LTBP3: variants seen among roughly 807,000 people sequenced by gnomAD.
LTBP3 encodes the protein latent transforming growth factor beta binding protein 3.
A neutral mutation model predicts 159.7 loss-of-function variants in LTBP3; 97 were observed. That is an observed-to-expected ratio of 0.61 (90% CI 0.52 to 0.72). LTBP3 has a LOEUF of 0.72. Among genes scored for constraint, LTBP3 ranks in the 30% least tolerant of loss-of-function variants. LTBP3 has a pLI of 0.00. For missense variants in LTBP3, 1,584 were observed against 1,864.3 expected (o/e 0.85, Z 2.77); for synonymous variants, 824 against 777.1 (o/e 1.06, Z -1.00).
chr11:65,541,558 G>C lies in LTBP3; in HGVS notation c.2725+42C>G, dbSNP rs184016747. ...TCTCTGAATCCCAGCTGCAGCTCAG[G>C]GGAGTTGTCCAGTCCGAGGGAGGAG... is the stretch of plus-strand genomic sequence containing the variant. On this transcript the variant is annotated intron_variant, in intron 19 of 27. Transcript: ENST00000301873. 11 of 1,613,746 alleles carry C rather than the reference G, an allele frequency of 6.8e-6. No individual in the cohort carries two copies. In the African/African-American group the frequency reaches 1.3e-4, roughly 20 times the overall value.
chr11:65,543,086 C>T lies in LTBP3; in HGVS notation c.2596+19G>A. The T allele has an allele frequency of 1.9e-6, 3 of 1,613,612 alleles. No individual in the cohort carries two copies. Among genetic ancestry groups the T allele is most frequent in the Non-Finnish European group, 1.7e-6 (2 of 1,179,900 alleles). On this transcript the variant is annotated intron_variant, in intron 18 of 27. Coordinates refer to ENST00000301873, the MANE Select transcript of LTBP3 (RefSeq NM_001130144.3). ...CTCCCTGCCACATCCCTCAGGAACC[C>T]TCAGCCAGTCCCCCATACCTTGGCA...
At position 65,546,811 on chromosome 11, in the gene LTBP3, GC is replaced by G. The variant is rs752375653; in HGVS notation, c.2216del (p.Gly739AlafsTer7). On this transcript the variant is annotated frameshift_variant, in exon 15 of 28. Coordinates refer to ENST00000301873, the MANE Select transcript of LTBP3 (RefSeq NM_001130144.3). LOFTEE classifies it high-confidence loss of function. The surrounding 1 kb of genome is among the most constrained non-coding windows in gnomAD (Gnocchi z 4.0). ...ACQPGYRSQG[G>X]GACRDVNECA... The stretch of plus-strand genomic sequence containing the variant: ...CCCCGCCCTCACCGCGACAGGCCCC[GC>G]CCCCCTGGCTGCGGTAGCCAGGCTG... The G allele has an allele frequency of 1.9e-5, 29 of 1,537,770 alleles. No individual in the cohort carries two copies. The highest frequency in any genetic ancestry group is 2.5e-5 in the East Asian group (1 of 39,682).
intron 8 of LTBP3, 21 bp from the exon 9 acceptor site, chr11:65,551,585 G>T: frequency 6.2e-7 from 1 of 1,613,930 alleles, no homozygotes; most frequent in Non-Finnish European, 8.5e-7. Context: ...AGAAGATGGG[G>T]CCATGAAGTG....
In LTBP3 at chr11:65,543,559, A is replaced by G; in HGVS notation, c.2354-10T>C. On this transcript the variant is annotated splice_polypyrimidine_tract_variant and intron_variant, in intron 16 of 27. Transcript: ENST00000301873. ...TCACACTCGTCCACATCTGCAGGGC[A>G]TAGGGGGTGTCAGAGGACCAGGCTG... The G allele has an allele frequency of 6.2e-7, 1 of 1,613,978 alleles. No individual in the cohort carries two copies. Among genetic ancestry groups the G allele is most frequent in the Non-Finnish European group, 8.5e-7 (1 of 1,179,908 alleles).
rs781256863 is a variant in LTBP3 at position 65,557,733 on chromosome 11, A to C, written c.227T>G (p.Leu76Arg). The change falls in exon 1 of 28, where the codon CTC (leucine) becomes CGC (arginine). Residue 76 changes from leucine to arginine, a missense_variant. By Grantham distance (102) the Leu-to-Arg change is moderately radical. Coordinates refer to ENST00000301873, the MANE Select transcript of LTBP3 (RefSeq NM_001130144.3). ...FAPVICKRTC[L>R]KGQCRDSCQQ... ...ACAACTGTCCCGACACTGGCCCTTG[A>C]GACAGGTCCGCTTGCAGATCACCGG... is the stretch of plus-strand genomic sequence containing the variant. 6.2e-7 allele frequency: 1 copy of C among 1,607,794 alleles called. No individual in the cohort carries two copies. The highest frequency in any genetic ancestry group is 8.5e-7 in the Non-Finnish European group (1 of 1,179,808).
Position 65,538,953 on chromosome 11 carries a change from G to C in LTBP3, c.*127C>G, listed in dbSNP as rs1411544844. ...GTAGGGGCGCCTCGGGTCTCAAGGC[G>C]CCGGGAGGGTCTGCGGGCCCTGAAG... is the stretch of plus-strand genomic sequence containing the variant. On this transcript the variant is annotated 3_prime_UTR_variant, in exon 28 of 28. Coordinates refer to ENST00000301873, the MANE Select transcript of LTBP3 (RefSeq NM_001130144.3). 3 of 1,313,766 alleles carry C rather than the reference G, an allele frequency of 2.3e-6. No homozygotes were observed. Among genetic ancestry groups the C allele is most frequent in the Admixed American group, 3.9e-5 (1 of 25,646 alleles). The allele number at this position is 1,313,766 out of a possible 1,614,324, so 81.4% of individuals were successfully genotyped here.
intron 20 of LTBP3, 33 bp from the exon 21 acceptor site, chr11:65,540,987 A>C: frequency 1.2e-6 from 2 of 1,604,890 alleles, no homozygotes; most frequent in Non-Finnish European, 1.7e-6. Flanking sequence ...GGGAGGGAAG[A>C]GGCAGGACTG....
At chr11:65,541,363 C>A in intron 19 of LTBP3, 70 bp from the exon 20 acceptor site, 2 of 1,566,340 alleles carry the variant, frequency 1.3e-6, no homozygotes, top group Non-Finnish European at 1.7e-6. Context: ...GCCCACCCAC[C>A]ACAGGTCTTT....
At chr11:65,545,413 C>T (rs1164306472) in intron 16 of LTBP3, 1 of 229,932 alleles carries the variant, frequency 4.3e-6, no homozygotes, top group South Asian at 1.8e-4. Context: ...CTCACAGGCA[C>T]AATCCATTCA....
Position 65,547,938 on chromosome 11 carries a change from G to A in LTBP3, c.1828C>T (p.Gln610Ter), listed in dbSNP as rs762633365. ...HCNPGYRSHP[Q>*]HRYCVDVNEC... is the part of the protein sequence containing the mutation. ...CGCTCACCCACGCAGTAGCGGTGCT[G>A]GGGATGTGACCGGTAGCCGGGGTTG... Residue 610 changes from glutamine to a stop codon, truncating the protein, a stop_gained, in exon 12 of 28, where the codon CAG becomes TAG. Transcript: ENST00000301873. LOFTEE classifies it high-confidence loss of function. The surrounding 1 kb of genome is among the most constrained non-coding windows in gnomAD (Gnocchi z 4.6). 2 of 1,613,820 alleles carry A rather than the reference G, an allele frequency of 1.2e-6. No homozygotes were observed. The highest frequency in any genetic ancestry group is 1.1e-5 in the South Asian group (1 of 91,076).
At chr11:65,548,084 G>A (rs200013646) in intron 11 of LTBP3, 39 bp from the exon 12 acceptor site, 64 of 1,612,892 alleles carry the variant, frequency 4.0e-5, no homozygotes, top group Admixed American at 1.0e-4. Context: ...AGCAGGGAGC[G>A]CTCACCTTCT....
intron 11 of LTBP3, 24 bp downstream of exon 11, chr11:65,551,102 G>A: frequency 6.5e-7 from 1 of 1,544,702 alleles, no homozygotes; most frequent in Non-Finnish European, 8.8e-7. Context: ...CTAGGCAGGG[G>A]TGGCTTTGCT....
rs1396412937 is a variant in LTBP3, at chr11:65,539,607, T to C, written c.3569A>G (p.Gln1190Arg). Residue 1190 changes from glutamine (Q) to arginine (R), a missense_variant, in exon 26 of 28, where the codon CAG becomes CGG. By Grantham distance (43) the Gln-to-Arg change is conservative (BLOSUM62 1). Around this residue, in one of 6 missense-constraint regions of LTBP3, gnomAD observed 514 missense variants for 530.3 expected, o/e 0.97. Coordinates refer to ENST00000301873, the MANE Select transcript of LTBP3 (RefSeq NM_001130144.3). ...RGAGSHCPTSQSESNSFWDTS... is the reference protein window; with the variant it reads ...RGAGSHCPTSRSESNSFWDTS... ...GTCCCAGAAGGAATTGCTCTCGCTC[T>C]GCGATGTCGGGCAATGGGACCCTGG... 3 of 1,611,976 alleles carry C rather than the reference T, an allele frequency of 1.9e-6. No homozygotes were observed. The highest frequency in any genetic ancestry group is 2.5e-6 in the Non-Finnish European group (3 of 1,179,212).
Position 65,552,730 on chromosome 11 carries a change from G to C in LTBP3, c.1186+130C>G. ...GTGACCCCGGACCCTGCTGATCCCT[G>C]ATCCTATTGGCTCTGGGCCTTGTTC... On this transcript the variant is annotated intron_variant, in intron 6 of 27. Transcript: ENST00000301873. This position sits in a 1 kb window ranked among gnomAD's most constrained non-coding sequence, Gnocchi z 6.0. 1 of 1,363,442 alleles carries C rather than the reference G, an allele frequency of 7.3e-7. No homozygotes were observed. The highest frequency in any genetic ancestry group is 1.2e-5 in the South Asian group (1 of 83,368). 84.5% of individuals were successfully genotyped at this position (1,363,442 alleles called of 1,614,324 possible).
At chr11:65,549,752 G>A (rs1332451611) in intron 11 of LTBP3, among the ~76,000 whole-genome samples, 10 of 82,858 alleles carry the variant, frequency 1.2e-4, no homozygotes, top group Non-Finnish European at 2.0e-4. Flanking sequence ...AACTCCCCAG[G>A]CCGGGAAAAA....
In LTBP3 at chr11:65,557,882, C is replaced by A; in HGVS notation, c.78G>T (p.Leu26=). The A allele has an allele frequency of 7.6e-7, 1 of 1,310,004 alleles. No homozygotes were observed. The allele number at this position is 1,310,004 out of a possible 1,614,324, so 81.1% of individuals were successfully genotyped here. A position where few individuals can be genotyped will look rare whatever the true frequency, so the allele number is the denominator to read the frequency against. ...GCAGCAGCAGCAGCAGCAGCAGCAG[C>A]AGCGCCAGCAGCCCCGCCGCCCCCG... is the stretch of plus-strand genomic sequence containing the variant. ...RGAGAAGLLA[L]LLLLLLLLLG... Residue 26 remains leucine (L), a synonymous_variant, in exon 1 of 28, where the codon CTG becomes CTT. Coordinates refer to ENST00000301873, the MANE Select transcript of LTBP3 (RefSeq NM_001130144.3).
rs1481092255 is a variant in LTBP3 at position 65,539,331 on chromosome 11, C to T, written c.3757G>A (p.Val1253Met). The T allele has an allele frequency of 2.0e-6, 3 of 1,516,174 alleles. No homozygotes were observed. Among genetic ancestry groups the T allele is most frequent in the Admixed American group, 4.1e-5 (2 of 49,298 alleles). 93.9% of individuals were successfully genotyped at this position (1,516,174 alleles called of 1,614,324 possible). Residue 1253 changes from valine (V) to methionine (M), a missense_variant, in exon 27 of 28, where the codon GTG (valine) becomes ATG (methionine). By Grantham distance (21) the Val-to-Met change is conservative. Around this residue, in one of 6 missense-constraint regions of LTBP3, gnomAD observed 514 missense variants for 530.3 expected, o/e 0.97. Transcript: ENST00000301873. ...FQLDASRARC[V>M]DIDECRELNQ... ...CCACCCCCGAAGCCCGGCTCACCCA[C>T]GCAGCGGGCGCGGGAGGCGTCGAGC...
intron 27 of LTBP3, 24 bp downstream of exon 27, chr11:65,539,304 C>T (rs1297502758): frequency 2.0e-6 from 3 of 1,510,556 alleles, no homozygotes; most frequent in African/African-American, 1.4e-5. Context: ...CCGCCCCTGC[C>T]CCCACCCCCG....
At chr11:65,545,717 A>G (rs906275322) in intron 16 of LTBP3, 1 of 220,164 alleles carries the variant, frequency 4.5e-6, no homozygotes, top group Admixed American at 5.8e-5. Flanking sequence ...AACGTTCTAA[A>G]ACAAATGGCA....
Sources: allele counts gnomAD v4.1 joint callset (sites outside exome capture counted in the v4.1 genomes callset), GRCh38; gene constraint gnomAD v4.1.1; regional missense constraint gnomAD v4.1.1; non-coding constraint Gnocchi (gnomAD v3.1); transcripts MANE v1.5; gene names NCBI Gene and HGNC (gene_info 2026-07-23, HGNC 2026-07-21).